The following CCDC7 variants were observed in gnomAD, a reference collection of about 807,000 sequenced individuals.
CCDC7 encodes coiled-coil domain containing 7, also known as coiled-coil domain-containing protein 7.
CCDC7 carries 183 observed loss-of-function variants against 196.9 expected under a neutral mutation model. The observed-to-expected ratio is 0.93, with a 90% confidence interval of 0.82 to 1.05. CCDC7 has a LOEUF of 1.05. Ranked by LOEUF, CCDC7 falls within the 50% of genes least tolerant of loss-of-function variation. The pLI is 0.00. For synonymous variants in CCDC7, 525 were observed against 484.6 expected, an observed-to-expected ratio of 1.08 and a Z score of -1.10; for missense variants, 1,540 against 1,482.2, an observed-to-expected ratio of 1.04 and a Z score of -0.64.
At chr10:32,694,910 G>A in exon 24 of CCDC7, 1 of 1,600,616 alleles carries the variant, frequency 6.2e-7, no homozygotes, top group Non-Finnish European at 8.5e-7. Context: ...AAAATCTTGT[G>A]CTTGAACATC....
chr10:32,725,386 T>G (rs916494447), intron 25 of CCDC7: 3 of 470,868 alleles, frequency 6.4e-6, no homozygotes, highest in African/African-American at 6.0e-5. Flanking sequence ...ACTGAGGGTA[T>G]GTTTCAAATA....
Position 32,459,646 on chromosome 10 carries a change from A to ATTTTTTTTTTTT in CCDC7, c.457-3021_457-3010dup, listed in dbSNP as rs60002951. On this transcript the variant is annotated intron_variant, in intron 3 of 41. Coordinates refer to ENST00000639629, the Ensembl canonical transcript of CCDC7. ...AAGCCTTTGGACTTCCCTGCTGCAC[A>ATTTTTTTTTTTT]TTTTTTTTTTTTTTTTTTTTTTTTT... 6.3e-4 allele frequency among the ~76,000 whole-genome samples: 43 copies of ATTTTTTTTTTTT among 68,736 alleles called. 5 individuals are homozygous for ATTTTTTTTTTTT. Among genetic ancestry groups the ATTTTTTTTTTTT allele is most frequent in the Middle Eastern group, 0.011 (1 of 90 alleles). The allele number at this position is 68,736 out of a possible 152,430, so 45.1% of individuals were successfully genotyped here. A position where few individuals can be genotyped will look rare whatever the true frequency, so the allele number is the denominator to read the frequency against.
chr10:32,713,580 G>A (rs1434584491), intron 25 of CCDC7, among the ~76,000 whole-genome samples: 1 of 152,224 alleles, frequency 6.6e-6, no homozygotes, highest in Non-Finnish European at 1.5e-5. Context: ...CACTGAGAGG[G>A]TTAGAGAAAA....
chr10:32,559,049 G>A (rs1220081199), intron 13 of CCDC7, among the ~76,000 whole-genome samples: 5 of 152,230 alleles, frequency 3.3e-5, no homozygotes, highest in African/African-American at 7.2e-5. Flanking sequence ...GTACGCCCAC[G>A]GAGTCTCGCT....
chr10:32,535,011 G>A (rs2050248334), intron 11 of CCDC7, among the ~76,000 whole-genome samples: 1 of 151,786 alleles, frequency 6.6e-6, no homozygotes, highest in African/African-American at 2.4e-5. Flanking sequence ...TGGAGTTGGG[G>A]GAAGATTTTC....
chr10:32,462,598 A>T (rs12416437), intron 3 of CCDC7, 85 bp from the exon 5 acceptor site: 105,507 of 1,105,574 alleles, frequency 0.095, 6,465 homozygotes, highest in South Asian at 0.24. Context: ...GTGATTGAAA[A>T]TTGCAAAAGA....
chr10:32,542,839 C>G (rs1289489206), intron 11 of CCDC7, among the ~76,000 whole-genome samples: 1 of 151,916 alleles, frequency 6.6e-6, no homozygotes, highest in Non-Finnish European at 1.5e-5. Flanking sequence ...AAATAAAAGT[C>G]TATATTTCTC....
At chr10:32,466,606 T>G (rs2036851665) in intron 5 of CCDC7, among the ~76,000 whole-genome samples, 1 of 152,228 alleles carries the variant, frequency 6.6e-6, no homozygotes, top group South Asian at 2.1e-4. Flanking sequence ...CATGATCTCA[T>G]TCATTTATAT....
intron 20 of CCDC7, among the ~76,000 whole-genome samples, chr10:32,652,751 C>T (rs1023860706): frequency 6.6e-6 from 1 of 152,136 alleles, no homozygotes. Flanking sequence ...TATTTTTGTA[C>T]TGCCTAATGC....
intron 30 of CCDC7, among the ~76,000 whole-genome samples, 198 bp from the exon 32 acceptor site, chr10:32,814,172 G>A (rs2087834833): frequency 6.6e-6 from 1 of 152,020 alleles, no homozygotes; most frequent in Non-Finnish European, 1.5e-5. Flanking sequence ...TGGCCAGGAT[G>A]GTCTCGATCT....
chr10:32,866,690 C>G (rs777636607), intron 41 of CCDC7, among the ~76,000 whole-genome samples: 2 of 151,290 alleles, frequency 1.3e-5, no homozygotes, highest in African/African-American at 2.4e-5. Context: ...AAAGCTATTT[C>G]TTTCAATAGA....
At chr10:32,469,757 A>G (rs1028224831) in intron 5 of CCDC7, among the ~76,000 whole-genome samples, 4 of 152,140 alleles carry the variant, frequency 2.6e-5, no homozygotes, top group African/African-American at 4.8e-5. Flanking sequence ...GGTGAGTACT[A>G]TAAAATATAC....
rs1275671890 is a variant in CCDC7 at position 32,451,872 on chromosome 10, T to TA, written c.231dup (p.Leu78ThrfsTer5). 2 of 1,613,068 alleles carry TA rather than the reference T, an allele frequency of 1.2e-6. No homozygotes were observed. Among genetic ancestry groups the TA allele is most frequent in the Non-Finnish European group, 1.7e-6 (2 of 1,179,730 alleles). ...ATTCCATCGAGTAAGACAAAGAACT[T>TA]ACTACCAGAAGATGAAATGATCGGA... On this transcript the variant is annotated frameshift_variant, in exon 1 of 42. Transcript: ENST00000639629. LOFTEE classifies it high-confidence loss of function.
intron 16 of CCDC7, among the ~76,000 whole-genome samples, chr10:32,580,626 AT>A (rs2058648277): frequency 1.3e-5 from 2 of 152,136 alleles, no homozygotes; most frequent in African/African-American, 2.4e-5. Context: ...GTATATAGGA[AT>A]GAGTTCCACA....
chr10:32,777,251 T>A (rs1167574813), intron 28 of CCDC7, among the ~76,000 whole-genome samples: 3 of 152,224 alleles, frequency 2.0e-5, no homozygotes, highest in Non-Finnish European at 4.4e-5. Flanking sequence ...GTGGTATATA[T>A]GTACCACATT....
At chr10:32,485,816 T>A (rs1033038483) in intron 8 of CCDC7, among the ~76,000 whole-genome samples, 1 of 152,170 alleles carries the variant, frequency 6.6e-6, no homozygotes, top group African/African-American at 2.4e-5. Flanking sequence ...TTTGAGTGAG[T>A]TTCTTAATCC....
chr10:32,842,198 A>G (rs1198344240), intron 33 of CCDC7, among the ~76,000 whole-genome samples: 1 of 151,958 alleles, frequency 6.6e-6, no homozygotes, highest in Non-Finnish European at 1.5e-5. Flanking sequence ...CACAATCTAT[A>G]TATCCGACAA....
intron 8 of CCDC7, among the ~76,000 whole-genome samples, chr10:32,477,134 C>A (rs1017513405): frequency 4.6e-5 from 7 of 151,932 alleles, no homozygotes; most frequent in African/African-American, 1.7e-4. Context: ...CCAAAGTTAC[C>A]TAGATAGTCT....
At chr10:32,691,876 A>T (rs1161964789) in intron 23 of CCDC7, among the ~76,000 whole-genome samples, 1 of 152,188 alleles carries the variant, frequency 6.6e-6, no homozygotes, top group Non-Finnish European at 1.5e-5. Flanking sequence ...CAGAGCCAAA[A>T]ATAGTTCCCA....
Sources: gnomAD v4.1 joint callset for allele counts (sites outside exome capture counted in the v4.1 genomes callset) on GRCh38, gnomAD v4.1.1 for gene constraint, MANE v1.5 for transcripts, NCBI Gene and HGNC (gene_info 2026-07-23, HGNC 2026-07-21) for gene names.